The following PARD6G variants were observed in gnomAD, a reference collection of about 807,000 sequenced individuals.
The protein encoded by PARD6G is partitioning defective 6 homolog gamma.
In PARD6G, 7 loss-of-function variants were observed where a neutral mutation model predicts 10.7. That is an observed-to-expected ratio of 0.66 (90% CI 0.37 to 1.23). The LOEUF (loss-of-function observed/expected upper bound fraction) is 1.23. Ranked by LOEUF, PARD6G falls within the 50% of genes most tolerant of loss-of-function variation. The probability of loss-of-function intolerance (pLI) is 0.02; values close to 1 mark genes in which losing one functional copy is unlikely to be tolerated. For synonymous variants in PARD6G, 287 were observed against 269.4 expected (o/e 1.07, Z -0.64); for missense variants, 548 against 571.8 (o/e 0.96, Z 0.42).
intron 2 of PARD6G, among the ~76,000 whole-genome samples, chr18:80,174,058 TG>T (rs1475180008): frequency 6.6e-6 from 1 of 152,176 alleles, no homozygotes; most frequent in Non-Finnish European, 1.5e-5. Context: ...CTGAGCCCAG[TG>T]TTGACATCTA....
At chr18:80,205,445 T>C (rs1967046307) in intron 1 of PARD6G, among the ~76,000 whole-genome samples, 1 of 152,176 alleles carries the variant, frequency 6.6e-6, no homozygotes, top group Non-Finnish European at 1.5e-5. Context: ...TCATGGTGAA[T>C]TGTAATCCCC....
At chr18:80,163,766 C>T (rs1482690748) in intron 2 of PARD6G, among the ~76,000 whole-genome samples, 1 of 152,188 alleles carries the variant, frequency 6.6e-6, no homozygotes, top group Non-Finnish European at 1.5e-5. Flanking sequence ...CCAGGGTTCC[C>T]TGCACCAATA....
chr18:80,242,829 T>C (rs1407625183), intron 1 of PARD6G, among the ~76,000 whole-genome samples: 4 of 151,896 alleles, frequency 2.6e-5, no homozygotes, highest in Non-Finnish European at 5.9e-5. Context: ...AGATACAAAT[T>C]AAAACAATGG....
intron 2 of PARD6G, among the ~76,000 whole-genome samples, chr18:80,166,847 C>T (rs968287060): frequency 1.3e-5 from 2 of 152,036 alleles, no homozygotes; most frequent in African/African-American, 4.8e-5. Context: ...CCCTTCTCCA[C>T]ACCACAGCCA....
At position 80,182,865 on chromosome 18, in the gene PARD6G, A is replaced by C. The variant is rs920203101; in HGVS notation, c.295+19845T>G. The stretch of plus-strand genomic sequence containing the variant: ...CCAGAGAACTTTTAAATCTGATGTT[A>C]TAGTTTTATTTCTTAGTTCTAGGTA... On this transcript the variant is annotated intron_variant, in intron 2 of 2. Coordinates refer to ENST00000353265, the MANE Select transcript of PARD6G (RefSeq NM_032510.4). The surrounding 1 kb of genome is among the most constrained non-coding windows in gnomAD (Gnocchi z 4.5). 36 of 462,894 alleles carry C rather than the reference A, an allele frequency of 7.8e-5. No individual in the cohort carries two copies. The highest frequency in any genetic ancestry group is 6.9e-4 in the African/African-American group (35 of 50,632). 28.7% of individuals were successfully genotyped at this position (462,894 alleles called of 1,614,324 possible).
rs1194029663 is a variant in PARD6G at position 80,228,998 on chromosome 18, G to T, written c.72+18279C>A. ...CTGTCGCCCAGGCTGGAGTGCAGTG[G>T]CATGATCTTGGCTCACCATAACCTC... On this transcript the variant is annotated intron_variant, in intron 1 of 2. Transcript: ENST00000353265. This position sits in a 1 kb window ranked among gnomAD's most constrained non-coding sequence, Gnocchi z 4.6. 6.6e-6 allele frequency among the ~76,000 whole-genome samples: 1 copy of T among 152,196 alleles called. No homozygotes were observed.
intron 1 of PARD6G, among the ~76,000 whole-genome samples, chr18:80,207,782 G>A (rs942296176): frequency 6.6e-6 from 1 of 152,096 alleles, no homozygotes; most frequent in African/African-American, 2.4e-5. Context: ...GACCACAAGA[G>A]AAAAATATTT....
intron 1 of PARD6G, among the ~76,000 whole-genome samples, chr18:80,222,023 AAAG>A (rs1967235874): frequency 1.3e-5 from 2 of 152,214 alleles, no homozygotes; most frequent in Admixed American, 1.3e-4. Context: ...TTGAAAAAAT[AAAG>A]AAGATCTAAA....
At chr18:80,211,982 C>G (rs886635029) in intron 1 of PARD6G, among the ~76,000 whole-genome samples, 1 of 151,944 alleles carries the variant, frequency 6.6e-6, no homozygotes, top group Non-Finnish European at 1.5e-5. Context: ...GTGATGGCTG[C>G]GTAACAATAT....
intron 1 of PARD6G, among the ~76,000 whole-genome samples, chr18:80,226,960 A>G (rs1967299329): frequency 6.6e-6 from 1 of 152,098 alleles, no homozygotes; most frequent in Non-Finnish European, 1.5e-5. Flanking sequence ...TGTTGACCAG[A>G]GTTTTTGTTT....
chr18:80,237,259 C>T (rs1474536474), intron 1 of PARD6G, among the ~76,000 whole-genome samples: 2 of 152,068 alleles, frequency 1.3e-5, no homozygotes, highest in African/African-American at 4.8e-5. Context: ...GAAAGGATTC[C>T]CTATTTAATA....
chr18:80,214,077 C>T (rs925973010), intron 1 of PARD6G, among the ~76,000 whole-genome samples: 3 of 152,016 alleles, frequency 2.0e-5, no homozygotes, highest in African/African-American at 7.3e-5. Context: ...AGATGTTGTA[C>T]TTCCTAGGCA....
rs1455234792 is a variant in PARD6G at position 80,201,200 on chromosome 18, G to A, written c.295+1510C>T. ...GAGGACGACAGGCAGAGGGGAACACGGGCTCATCAGATCAAGCAGCTGAGA... is the reference window on the plus strand; with the variant it reads ...GAGGACGACAGGCAGAGGGGAACACAGGCTCATCAGATCAAGCAGCTGAGA... On this transcript the variant is annotated intron_variant, in intron 2 of 2. Coordinates refer to ENST00000353265, the MANE Select transcript of PARD6G (RefSeq NM_032510.4). The surrounding 1 kb of genome is among the most constrained non-coding windows in gnomAD (Gnocchi z 5.9). Among the ~76,000 whole-genome samples the A allele has an allele frequency of 1.3e-5, 2 of 152,116 alleles. No individual in the cohort carries two copies. Among genetic ancestry groups the A allele is most frequent in the African/African-American group, 4.8e-5 (2 of 41,410 alleles).
At chr18:80,196,878 TTTTTC>T (rs1360791718) in intron 2 of PARD6G, among the ~76,000 whole-genome samples, 5 of 141,552 alleles carry the variant, frequency 3.5e-5, no homozygotes, top group Non-Finnish European at 7.5e-5. Context: ...GTGGGAGACT[TTTTTC>T]TTTTATTAAA....
At chr18:80,227,552 A>C (rs539119625) in intron 1 of PARD6G, among the ~76,000 whole-genome samples, 1 of 152,346 alleles carries the variant, frequency 6.6e-6, no homozygotes, top group African/African-American at 2.4e-5. Flanking sequence ...TTTTCTTGCA[A>C]AAGGCTTTGC....
intron 1 of PARD6G, among the ~76,000 whole-genome samples, chr18:80,213,800 T>C (rs933407310): frequency 3.3e-5 from 5 of 151,342 alleles, no homozygotes; most frequent in African/African-American, 1.2e-4. Context: ...CTACTAAAAA[T>C]ACAAAAAATT....
At chr18:80,174,635 C>T (rs1297675255) in intron 2 of PARD6G, among the ~76,000 whole-genome samples, 2 of 152,198 alleles carry the variant, frequency 1.3e-5, no homozygotes, top group Non-Finnish European at 2.9e-5. Context: ...CCTCCCAAAA[C>T]CCATGCCCCT....
chr18:80,208,543 C>G (rs1967077022), intron 1 of PARD6G, among the ~76,000 whole-genome samples: 1 of 152,136 alleles, frequency 6.6e-6, no homozygotes, highest in Admixed American at 6.5e-5. Context: ...TAAAATGCCT[C>G]AAAGGGAGCC....
At chr18:80,221,691 G>A (rs989927574) in intron 1 of PARD6G, among the ~76,000 whole-genome samples, 1 of 152,084 alleles carries the variant, frequency 6.6e-6, no homozygotes, top group Non-Finnish European at 1.5e-5. Context: ...CTGTACTGTA[G>A]TTTCGACCCA....
Sources: allele counts gnomAD v4.1 joint callset (sites outside exome capture counted in the v4.1 genomes callset), GRCh38; gene constraint gnomAD v4.1.1; non-coding constraint Gnocchi (gnomAD v3.1); transcripts MANE v1.5; gene names NCBI Gene and HGNC (gene_info 2026-07-23, HGNC 2026-07-21).